The following SPAG17 variants were observed in gnomAD, a reference collection of about 807,000 sequenced individuals.
The protein encoded by SPAG17 is sperm-associated antigen 17.
Under a neutral mutation model 273.6 loss-of-function variants are expected in SPAG17, and 169 were observed. The ratio of observed to expected loss-of-function variants is 0.62; its 90% CI spans 0.55 to 0.70. SPAG17 has a LOEUF of 0.70. Among genes scored for constraint, SPAG17 ranks in the 30% least tolerant of loss-of-function variants. SPAG17 has a pLI of 0.00. For missense variants in SPAG17, 2,557 were observed against 2,627.8 expected (o/e 0.97, Z 0.59); for synonymous variants, 825 against 873.2 (o/e 0.94, Z 0.97).
At chr1:118,145,149 A>T (rs547417462) in intron 3 of SPAG17, among the ~76,000 whole-genome samples, 9 of 151,982 alleles carry the variant, frequency 5.9e-5, no homozygotes, top group African/African-American at 2.2e-4. Flanking sequence ...ATAACTTCAA[A>T]CCTCTTAAAT....
intron 3 of SPAG17, among the ~76,000 whole-genome samples, chr1:118,132,181 C>A (rs1658089803): frequency 6.6e-6 from 1 of 152,162 alleles, no homozygotes; most frequent in South Asian, 2.1e-4. Context: ...GCAGGTGTCA[C>A]TCCTGAGTTG....
intron 30 of SPAG17, among the ~76,000 whole-genome samples, chr1:118,011,789 T>C (rs796236169): frequency 5.3e-5 from 8 of 151,930 alleles, no homozygotes; most frequent in African/African-American, 1.7e-4. Flanking sequence ...GAGGAGTGTG[T>C]TGGAGAAACT....
At position 118,008,186 on chromosome 1, in the gene SPAG17, C is replaced by G. The variant is rs587783068; in HGVS notation, c.4445G>C (p.Arg1482Pro). Residue 1482 changes from arginine (R) to proline (P), a missense_variant, in exon 31 of 49, where the codon CGG (arginine) becomes CCG (proline). Transcript: ENST00000336338. ...PDDQETTEGPRTVTRQVKCMR... is the reference protein window; with the variant it reads ...PDDQETTEGPPTVTRQVKCMR... ...ACACTTCACCTGCCTGGTGACAGTC[C>G]GAGGACCCTCGGCTACAAGCAAATG... 1 of 1,613,744 alleles carries G rather than the reference C, an allele frequency of 6.2e-7. No homozygotes were observed. The highest frequency in any genetic ancestry group is 8.5e-7 in the Non-Finnish European group (1 of 1,179,898).
At chr1:118,082,014 A>G (rs932769019) in intron 13 of SPAG17, among the ~76,000 whole-genome samples, 2 of 152,190 alleles carry the variant, frequency 1.3e-5, no homozygotes, top group African/African-American at 4.8e-5. Context: ...GTAATTTAAA[A>G]CAGAGAAATT....
chr1:118,165,534 G>T (rs1358672013), intron 1 of SPAG17, among the ~76,000 whole-genome samples: 1 of 151,532 alleles, frequency 6.6e-6, no homozygotes, highest in African/African-American at 2.4e-5. Context: ...TCTTAGGTTG[G>T]TGCCAAATTC....
intron 29 of SPAG17, among the ~76,000 whole-genome samples, chr1:118,014,840 A>C (rs1185224398): frequency 1.3e-5 from 2 of 152,208 alleles, no homozygotes; most frequent in Non-Finnish European, 2.9e-5. Flanking sequence ...GGTCACAAAC[A>C]ACTGGCTCTA....
chr1:118,165,108 A>T (rs1339308918), intron 1 of SPAG17, among the ~76,000 whole-genome samples: 3 of 152,232 alleles, frequency 2.0e-5, no homozygotes, highest in African/African-American at 7.2e-5. Context: ...TTACACAAGT[A>T]ATGCAATACT....
At chr1:118,047,590 C>T (rs114027270) in intron 20 of SPAG17, among the ~76,000 whole-genome samples, 334 of 152,254 alleles carry the variant, frequency 2.2e-3, no homozygotes, top group Middle Eastern at 6.8e-3. Context: ...TAGGACAGTC[C>T]TCAGATCCCA....
chr1:117,983,945 A>G, intron 41 of SPAG17, 32 bp from the exon 42 acceptor site: 1 of 1,137,840 alleles, frequency 8.8e-7, no homozygotes, highest in Non-Finnish European at 1.3e-6. Flanking sequence ...TTTTAGACTT[A>G]TACATGGCTG....
intron 28 of SPAG17, among the ~76,000 whole-genome samples, chr1:118,018,121 T>C (rs1660149594): frequency 1.3e-5 from 2 of 152,204 alleles, no homozygotes; most frequent in African/African-American, 4.8e-5. Flanking sequence ...CAGTGGGTTT[T>C]TGTCAAACTG....
intron 32 of SPAG17, among the ~76,000 whole-genome samples, chr1:118,003,046 G>T (rs1658484148): frequency 6.6e-6 from 1 of 152,248 alleles, no homozygotes; most frequent in African/African-American, 2.4e-5. Context: ...CTCAGCATTT[G>T]CTTGTCTGTA....
intron 46 of SPAG17, among the ~76,000 whole-genome samples, chr1:117,967,419 T>A (rs1460941022): frequency 6.6e-6 from 1 of 151,596 alleles, no homozygotes; most frequent in African/African-American, 2.4e-5. Context: ...GAAGAAGAAG[T>A]ATTGTCTTGG....
At chr1:118,040,217 C>G (rs1440643364) in intron 22 of SPAG17, among the ~76,000 whole-genome samples, 1 of 151,998 alleles carries the variant, frequency 6.6e-6, no homozygotes, top group Non-Finnish European at 1.5e-5. Flanking sequence ...TCAAAATTGA[C>G]AGAACTAGGA....
chr1:118,041,883 T>C lies in SPAG17; in HGVS notation c.2974A>G (p.Lys992Glu). 6.2e-7 allele frequency: 1 copy of C among 1,613,934 alleles called. No homozygotes were observed. Among genetic ancestry groups the C allele is most frequent in the South Asian group, 1.1e-5 (1 of 91,064 alleles). Residue 992 changes from lysine to glutamate, a missense_variant, in exon 21 of 49, where the codon AAA becomes GAA. Physicochemically the swap from Lys to Glu is moderately conservative, Grantham distance 56. Transcript: ENST00000336338. ...ATCTTGACTTGTTCTTCTTTAGATT[T>C]CTCCTTGTAAGGTGATTTTTTCTTC... ...SLKKKSPYKE[K>E]SKEEQVKIQE...
chr1:118,070,902 C>G (rs1158015790), intron 17 of SPAG17, among the ~76,000 whole-genome samples: 1 of 152,174 alleles, frequency 6.6e-6, no homozygotes, highest in African/African-American at 2.4e-5. Context: ...CTAGTGGCTA[C>G]CACACTGGAT....
intron 15 of SPAG17, among the ~76,000 whole-genome samples, chr1:118,079,265 G>A (rs1028159345): frequency 2.0e-5 from 3 of 151,888 alleles, no homozygotes; most frequent in Admixed American, 1.3e-4. Flanking sequence ...GACTACTCAG[G>A]TTTTCTATTT....
At chr1:118,031,935 T>C in intron 24 of SPAG17, 68 bp from the exon 25 acceptor site, 2 of 1,303,070 alleles carry the variant, frequency 1.5e-6, no homozygotes, top group South Asian at 1.6e-5. Context: ...TGAAATAACA[T>C]TTACAACTCA....
intron 3 of SPAG17, among the ~76,000 whole-genome samples, chr1:118,123,651 T>G (rs999302149): frequency 6.6e-6 from 1 of 152,188 alleles, no homozygotes; most frequent in Non-Finnish European, 1.5e-5. Context: ...TAAACTGGTA[T>G]CCATCTCTCG....
intron 1 of SPAG17, among the ~76,000 whole-genome samples, chr1:118,183,321 C>T (rs1476130198): frequency 1.3e-5 from 2 of 152,248 alleles, no homozygotes; most frequent in East Asian, 3.9e-4. Flanking sequence ...TCATCTATAA[C>T]CTAAATTCAG....
Sources: allele counts gnomAD v4.1 joint callset (sites outside exome capture counted in the v4.1 genomes callset), GRCh38; gene constraint gnomAD v4.1.1; transcripts MANE v1.5; gene names NCBI Gene and HGNC (gene_info 2026-07-23, HGNC 2026-07-21).